CACNA1H: variants seen among roughly 807,000 people sequenced by gnomAD.
CACNA1H encodes calcium voltage-gated channel subunit alpha1 H.
CACNA1H carries 149 observed loss-of-function variants against 192.5 expected under a neutral mutation model. The ratio of observed to expected loss-of-function variants is 0.77; its 90% CI spans 0.68 to 0.89. The LOEUF (loss-of-function observed/expected upper bound fraction) is 0.89, where lower values mean the gene tolerates loss of function less well. Ranked by LOEUF, CACNA1H falls within the 40% of genes least tolerant of loss-of-function variation. The pLI is 0.00. For missense variants in CACNA1H, 4,257 were observed against 3,423.5 expected, an observed-to-expected ratio of 1.24 and a Z score of -6.08; for synonymous variants, 2,202 against 1,475.2, an observed-to-expected ratio of 1.49 and a Z score of -11.29.
chr16:1,153,680 G>A (rs1402405217), intron 1 of CACNA1H, 40 bp from the exon 2 acceptor site: 3 of 1,145,776 alleles, frequency 2.6e-6, no homozygotes, highest in East Asian at 3.7e-5. Flanking sequence ...CAGGGCGGGG[G>A]CGTCGCCACC....
At chr16:1,181,444 G>A (rs555974585) in intron 2 of CACNA1H, among the ~76,000 whole-genome samples, 2 of 152,362 alleles carry the variant, frequency 1.3e-5, no homozygotes, top group South Asian at 2.1e-4. Context: ...CTCCAGTTCC[G>A]GCAGAACATC....
intron 2 of CACNA1H, among the ~76,000 whole-genome samples, chr16:1,171,038 G>T (rs545343352): frequency 3.3e-5 from 5 of 152,066 alleles, no homozygotes; most frequent in African/African-American, 1.2e-4. Flanking sequence ...TGCACCCATA[G>T]CCCGTCCCTC....
At chr16:1,183,909 G>C (rs1263412821) in intron 2 of CACNA1H, among the ~76,000 whole-genome samples, 1 of 152,240 alleles carries the variant, frequency 6.6e-6, no homozygotes, top group African/African-American at 2.4e-5. Flanking sequence ...TTCCCTCCTG[G>C]ATCGGTTAAT....
intron 31 of CACNA1H, among the ~76,000 whole-genome samples, chr16:1,217,330 C>T (rs566334670): frequency 6.6e-6 from 1 of 152,350 alleles, no homozygotes; most frequent in Non-Finnish European, 1.5e-5. Context: ...CATCTGGAAA[C>T]ACACGCCATG....
Position 1,210,153 on chromosome 16 carries a change from G to A in CACNA1H, c.3845+18G>A. On this transcript the variant is annotated intron_variant, in intron 18 of 34. Transcript: ENST00000348261. Reference sequence around the variant, plus strand: ...CAGAACCGGTGAGGCGGCCGGGTCAGGAGGCTGCATGGCTAGTTCCACCCC... The same window carrying A: ...CAGAACCGGTGAGGCGGCCGGGTCAAGAGGCTGCATGGCTAGTTCCACCCC... 1 of 1,544,246 alleles carries A rather than the reference G, an allele frequency of 6.5e-7. No individual in the cohort carries two copies. Among genetic ancestry groups the A allele is most frequent in the Non-Finnish European group, 8.8e-7 (1 of 1,141,546 alleles).
rs771877421 is a variant in CACNA1H, at chr16:1,200,361, G to A, written c.909G>A (p.Ser303=). ...SRRDNGMQKC[S]HIPGRRELRM... is the part of the protein sequence containing the mutation. ...GAGACAACGGCATGCAGAAGTGCTC[G>A]CACATCCCCGGCCGCCGCGAGCTGC... Residue 303 remains serine (S), a synonymous_variant, in exon 7 of 35, where the codon TCG becomes TCA. Coordinates refer to ENST00000348261, the MANE Select transcript of CACNA1H (RefSeq NM_021098.3). 34 of 1,599,162 alleles carry A rather than the reference G, an allele frequency of 2.1e-5. No individual in the cohort carries two copies. Among genetic ancestry groups the A allele is most frequent in the Admixed American group, 1.2e-4 (7 of 58,254 alleles).
In CACNA1H at chr16:1,209,405, C is replaced by T. The variant is rs571145188; in HGVS notation, c.3737C>T (p.Ser1246Leu). 7.6e-5 allele frequency: 122 copies of T among 1,597,532 alleles called. 1 individual carries two copies. In the Middle Eastern group the frequency reaches 8.3e-4, roughly 11 times the overall value. The part of the protein sequence containing the change: ...REDAAELDDD[S>L]EDSCCLRLHK... ...GATGCAGCCGAGCTTGACGACGACT[C>T]GGAGGACGTGAGTGCGTGGCCCTGG... The change falls in exon 17 of 35, where the codon TCG becomes TTG. Residue 1246 changes from serine (S) to leucine (L), a missense_variant. Transcript: ENST00000348261.
chr16:1,217,069 GC>G, intron 31 of CACNA1H, 59 bp downstream of exon 31: 1 of 1,414,702 alleles, frequency 7.1e-7, no homozygotes, highest in Non-Finnish European at 9.8e-7. Context: ...GCGCCCCTGT[GC>G]CCATCCACTC....
At chr16:1,158,936 C>T (rs766720737) in intron 2 of CACNA1H, among the ~76,000 whole-genome samples, 4 of 152,168 alleles carry the variant, frequency 2.6e-5, no homozygotes, top group East Asian at 1.9e-4. Context: ...CAGCCCGCAC[C>T]GCTGGGACCG....
chr16:1,204,604 G>C (rs1369740334), intron 10 of CACNA1H, 146 bp downstream of exon 10: 6 of 645,476 alleles, frequency 9.3e-6, no homozygotes, highest in Non-Finnish European at 1.5e-5. Context: ...GGTGAGGATA[G>C]GAGACCAGGT....
At chr16:1,173,932 G>A (rs1450828632) in intron 2 of CACNA1H, among the ~76,000 whole-genome samples, 1 of 152,144 alleles carries the variant, frequency 6.6e-6, no homozygotes, top group Admixed American at 6.5e-5. Context: ...CCACATGGGA[G>A]TTGTGGACAT....
At chr16:1,217,062 C>A in intron 31 of CACNA1H, 52 bp downstream of exon 31, 2 of 1,455,166 alleles carry the variant, frequency 1.4e-6, no homozygotes, top group Non-Finnish European at 1.9e-6. Flanking sequence ...CTGACAGGCG[C>A]CCCTGTGCCC....
Position 1,204,099 on chromosome 16 carries a change from A to C in CACNA1H, c.2092A>C (p.Lys698Gln), listed in dbSNP as rs563562233. The C allele has an allele frequency of 1.5e-5, 24 of 1,610,746 alleles. No individual in the cohort carries two copies. In the African/African-American group the frequency reaches 1.9e-4, roughly 13 times the overall value. Residue 698 changes from lysine (K) to glutamine (Q), a missense_variant, in exon 10 of 35, where the codon AAG becomes CAG. Lys to Gln is a moderately conservative substitution (Grantham distance 53). Coordinates refer to ENST00000348261, the MANE Select transcript of CACNA1H (RefSeq NM_021098.3). ...PPAGTLTCEL[K>Q]SCPYCTRALE... ...AGCGGGCACACTGACCTGTGAGCTGAAGAGCTGCCCGTACTGCACCCGTGC... is the reference window on the plus strand; with the variant it reads ...AGCGGGCACACTGACCTGTGAGCTGCAGAGCTGCCCGTACTGCACCCGTGC...
chr16:1,203,285 T>C (rs1968216061), intron 9 of CACNA1H, among the ~76,000 whole-genome samples: 1 of 152,182 alleles, frequency 6.6e-6, no homozygotes. Flanking sequence ...GATGGTCATT[T>C]TCATGTCAGT....
At chr16:1,205,350 A>G (rs1195032510) in intron 11 of CACNA1H, 85 bp downstream of exon 11, 23 of 1,381,874 alleles carry the variant, frequency 1.7e-5, no homozygotes, top group Non-Finnish European at 2.3e-5. Context: ...CAAAACCCAG[A>G]GCACAGGAGG....
chr16:1,212,576 G>A (rs1567544726), intron 26 of CACNA1H, 48 bp downstream of exon 26: 2 of 1,589,898 alleles, frequency 1.3e-6, no homozygotes, highest in East Asian at 2.3e-5. Flanking sequence ...TGCGGCCGCT[G>A]CTCGGGGAAG....
chr16:1,163,491 C>G (rs1367454884), intron 2 of CACNA1H, among the ~76,000 whole-genome samples: 1 of 152,234 alleles, frequency 6.6e-6, no homozygotes, highest in East Asian at 1.9e-4. Flanking sequence ...GAGGGGAAAC[C>G]CGTGTCCAGA....
At chr16:1,214,245 G>A (rs1002427155) in intron 27 of CACNA1H, among the ~76,000 whole-genome samples, 2 of 152,042 alleles carry the variant, frequency 1.3e-5, no homozygotes, top group Non-Finnish European at 2.9e-5. Flanking sequence ...GAGCCAGGCA[G>A]GCCTGAGGTG....
intron 2 of CACNA1H, among the ~76,000 whole-genome samples, chr16:1,194,320 C>G (rs1966841853): frequency 1.3e-5 from 2 of 152,314 alleles, no homozygotes; most frequent in Admixed American, 6.5e-5. Context: ...TTTCCAAATG[C>G]CGGCTTCTAC....
Sources: allele counts gnomAD v4.1 joint callset (sites outside exome capture counted in the v4.1 genomes callset), GRCh38; gene constraint gnomAD v4.1.1; transcripts MANE v1.5; gene names NCBI Gene and HGNC (gene_info 2026-07-23, HGNC 2026-07-21).